Variants in CACNA1G observed in about 807,000 individuals in gnomAD.
CACNA1G encodes the protein calcium voltage-gated channel subunit alpha1 G, also known as voltage-dependent T-type calcium channel subunit alpha-1G.
CACNA1G carries 67 observed loss-of-function variants against 219.4 expected under a neutral mutation model. That is an observed-to-expected ratio of 0.31 (90% CI 0.25 to 0.37). CACNA1G has a LOEUF of 0.37. Among genes scored for constraint, CACNA1G ranks in the 10% least tolerant of loss-of-function variants. The probability of loss-of-function intolerance (pLI) is 1.00; values close to 1 mark genes in which losing one functional copy is unlikely to be tolerated. For missense variants in CACNA1G, 2,380 were observed against 3,231.4 expected, an observed-to-expected ratio of 0.74 and a Z score of 6.39; for synonymous variants, 1,296 against 1,345.3, an observed-to-expected ratio of 0.96 and a Z score of 0.80.
Position 50,625,907 on chromosome 17 carries a change from G to T in CACNA1G, c.6400-110G>T. ...GCTACCAGGACCTCTGCTTAGGATA[G>T]TCCTGCTGTGCCTGGTGGTGGTGGG... is the stretch of plus-strand genomic sequence containing the variant. On this transcript the variant is annotated intron_variant, in intron 37 of 37. Transcript: ENST00000359106. 3.2e-6 allele frequency: 4 copies of T among 1,233,226 alleles called. No individual in the cohort carries two copies. In the South Asian group the frequency reaches 5.9e-5, roughly 18 times the overall value. 76.4% of individuals were successfully genotyped at this position (1,233,226 alleles called of 1,614,324 possible). A position where few individuals can be genotyped will look rare whatever the true frequency, so the allele number is the denominator to read the frequency against.
At chr17:50,625,931 G>A (rs1029756888) in intron 37 of CACNA1G, 86 bp from the exon 38 acceptor site, 3 of 1,433,996 alleles carry the variant, frequency 2.1e-6, no homozygotes, top group African/African-American at 2.8e-5. Context: ...GGTGGTGGTG[G>A]GCAGGGGGCA....
Position 50,596,725 on chromosome 17 carries a change from T to A in CACNA1G, c.3065-5T>A, listed in dbSNP as rs756390450. Reference sequence around the variant, plus strand: ...CTCGGGATCTCTCCCTCTCTCCCCGTGCAGTGGTGTCCCTGGGAGAGCACC... The same window carrying A: ...CTCGGGATCTCTCCCTCTCTCCCCGAGCAGTGGTGTCCCTGGGAGAGCACC... On this transcript the variant is annotated splice_region_variant and splice_polypyrimidine_tract_variant and intron_variant, in intron 15 of 37. Transcript: ENST00000359106. The surrounding 1 kb of genome is among the most constrained non-coding windows in gnomAD (Gnocchi z 4.8). 15 of 1,613,124 alleles carry A rather than the reference T, an allele frequency of 9.3e-6. No individual in the cohort carries two copies. Among genetic ancestry groups the A allele is most frequent in the Admixed American group, 8.3e-5 (5 of 59,926 alleles).
In CACNA1G at chr17:50,591,826, G is replaced by C. The variant is rs1250279358; in HGVS notation, c.2727G>C (p.Leu909Phe). 8 of 1,613,826 alleles carry C rather than the reference G, an allele frequency of 5.0e-6. No homozygotes were observed. Among genetic ancestry groups the C allele is most frequent in the Non-Finnish European group, 5.9e-6 (7 of 1,179,872 alleles). The change falls in exon 12 of 38, where the codon TTG becomes TTC. Residue 909 changes from leucine to phenylalanine, a missense_variant. This residue lies in a region of CACNA1G where 43 missense variants were observed against 139.4 expected (regional missense o/e 0.31). Coordinates refer to ENST00000359106, the MANE Select transcript of CACNA1G (RefSeq NM_018896.5). ...TLPDRKNFDS[L>F]LWAIVTVFQI... The stretch of plus-strand genomic sequence containing the variant: ...CAGACCGGAAGAATTTTGACTCCTT[G>C]CTCTGGGCCATCGTCACTGTCTTTC...
Position 50,578,878 on chromosome 17 carries a change from G to A in CACNA1G, c.2301+314G>A, listed in dbSNP as rs548943084. Among the ~76,000 whole-genome samples, 13 of 152,292 alleles carry A rather than the reference G, an allele frequency of 8.5e-5. No individual in the cohort carries two copies. The highest frequency in any genetic ancestry group is 2.0e-4 in the Admixed American group (3 of 15,292). On this transcript the variant is annotated intron_variant, in intron 9 of 37. Transcript: ENST00000359106. The surrounding 1 kb of genome is among the most constrained non-coding windows in gnomAD (Gnocchi z 4.5). ...AGCATCAGCATGTGGGGAGAGGCGC[G>A]TCACTGGGAGATGTTTGGGTCTTTG...
In CACNA1G at chr17:50,602,855, C is replaced by T. The variant is rs2047033951; in HGVS notation, c.3951C>T (p.Phe1317=). The stretch of plus-strand genomic sequence containing the variant: ...TCCTGACCCTCTCCAATTACATCTT[C>T]ACCGCAGTCTTTCTGGCTGAAATGA... The part of the protein sequence containing the change: ...RIFLTLSNYI[F]TAVFLAEMTV... Residue 1317 remains phenylalanine (F), a synonymous_variant, in exon 20 of 38, where the codon TTC becomes TTT. Coordinates refer to ENST00000359106, the MANE Select transcript of CACNA1G (RefSeq NM_018896.5). The T allele has an allele frequency of 1.2e-6, 2 of 1,613,920 alleles. No homozygotes were observed. The highest frequency in any genetic ancestry group is 4.5e-5 in the East Asian group (2 of 44,880).
Position 50,561,096 on chromosome 17 carries a change from T to G in CACNA1G, c.-364T>G. On this transcript the variant is annotated 5_prime_UTR_variant, in exon 1 of 38. Transcript: ENST00000359106. ...CCCTCCGCCGCTGCCCCCCTTTTCG[T>G]TCGCCCTCTCGGGGCGGCTTCGCCG... The G allele has an allele frequency of 1.7e-5, 7 of 416,862 alleles. No homozygotes were observed. The highest frequency in any genetic ancestry group is 2.8e-5 in the Non-Finnish European group (6 of 213,906). 25.8% of individuals were successfully genotyped at this position (416,862 alleles called of 1,614,324 possible).
At chr17:50,569,438 G>A (rs1039110654) in intron 3 of CACNA1G, 140 bp downstream of exon 3, 3 of 916,258 alleles carry the variant, frequency 3.3e-6, no homozygotes, top group Non-Finnish European at 5.0e-6. Context: ...AGGGTCTGAG[G>A]CTGCCCTGCC....
chr17:50,581,861 A>G (rs2042029581), intron 9 of CACNA1G, among the ~76,000 whole-genome samples: 1 of 152,246 alleles, frequency 6.6e-6, no homozygotes, highest in African/African-American at 2.4e-5. Context: ...ATCCTTTTGC[A>G]CTGGAGTTGG....
chr17:50,586,082 G>A (rs921432154), intron 9 of CACNA1G, among the ~76,000 whole-genome samples: 8 of 152,160 alleles, frequency 5.3e-5, no homozygotes, highest in African/African-American at 1.9e-4. Context: ...ATCACTGTCT[G>A]CCAGAGCTGG....
intron 14 of CACNA1G, 23 bp downstream of exon 14, chr17:50,595,084 G>A: frequency 1.9e-6 from 3 of 1,544,314 alleles, no homozygotes; most frequent in Non-Finnish European, 2.6e-6. Context: ...TCATGAGCCG[G>A]CATGCCTCCC....
chr17:50,606,827 T>C lies in CACNA1G; in HGVS notation c.4423-73T>C. 3 of 1,094,800 alleles carry C rather than the reference T, an allele frequency of 2.7e-6. No homozygotes were observed. The South Asian group carries it at 3.9e-5, about 14-fold the overall frequency. The allele number at this position is 1,094,800 out of a possible 1,614,324, so 67.8% of individuals were successfully genotyped here. A position where few individuals can be genotyped will look rare whatever the true frequency, so the allele number is the denominator to read the frequency against. On this transcript the variant is annotated intron_variant, in intron 23 of 37. Transcript: ENST00000359106. The stretch of plus-strand genomic sequence containing the variant: ...ACTTGGAGCTGATGCAGGAGGCACT[T>C]TGGGGGCAGGTGATAGGTGATTCAG...
At position 50,609,896 on chromosome 17, in the gene CACNA1G, G is replaced by A. The variant is rs368939625; in HGVS notation, c.4720G>A (p.Asp1574Asn). 1.6e-5 allele frequency: 26 copies of A among 1,611,494 alleles called. No individual in the cohort carries two copies. The highest frequency in any genetic ancestry group is 6.7e-5 in the African/African-American group (5 of 74,946). ...EKKRRNLMLD[D>N]VIASGSSASA... Reference sequence around the variant, plus strand: ...CGTTCTTTTAGATCTAATGCTGGACGATGTAATTGCTTCCGGCAGCTCAGC... The same window carrying A: ...CGTTCTTTTAGATCTAATGCTGGACAATGTAATTGCTTCCGGCAGCTCAGC... The change falls in exon 26 of 38, where the codon GAT (aspartate) becomes AAT (asparagine). Residue 1574 changes from aspartate to asparagine, a missense_variant. Asp to Asn is a conservative substitution (Grantham distance 23). Coordinates refer to ENST00000359106, the MANE Select transcript of CACNA1G (RefSeq NM_018896.5).
intron 28 of CACNA1G, 59 bp downstream of exon 28, chr17:50,616,443 T>G: frequency 2.4e-5 from 25 of 1,024,560 alleles, no homozygotes; most frequent in Non-Finnish European, 2.4e-5. Flanking sequence ...AATGAGTCTC[T>G]TGGGGAAATA....
intron 1 of CACNA1G, among the ~76,000 whole-genome samples, chr17:50,565,700 ACC>A (rs1032169255): frequency 6.6e-6 from 1 of 151,036 alleles, no homozygotes; most frequent in Non-Finnish European, 1.5e-5. Context: ...TGTCCCAGCC[ACC>A]CCCCTCCTCT....
At chr17:50,602,320 G>A (rs1423747060) in intron 19 of CACNA1G, among the ~76,000 whole-genome samples, 2 of 152,206 alleles carry the variant, frequency 1.3e-5, no homozygotes, top group Non-Finnish European at 2.9e-5. Context: ...GGAACTAGAT[G>A]GCCTTCCTCC....
In CACNA1G at chr17:50,573,196, C is replaced by T. The variant is rs763809968; in HGVS notation, c.1140+83C>T. ...CAGTCCAGAGAGGGGATAGTTTGCT[C>T]TGTCTGAAGTTTTTAGCTCTCAGGA... On this transcript the variant is annotated intron_variant, in intron 7 of 37. Coordinates refer to ENST00000359106, the MANE Select transcript of CACNA1G (RefSeq NM_018896.5). 13 of 1,033,128 alleles carry T rather than the reference C, an allele frequency of 1.3e-5. No individual in the cohort carries two copies. In the South Asian group the frequency reaches 1.6e-4, roughly 13 times the overall value. The allele number at this position is 1,033,128 out of a possible 1,614,324, so 64.0% of individuals were successfully genotyped here.
chr17:50,561,119 C>G lies in CACNA1G; in HGVS notation c.-341C>G. On this transcript the variant is annotated 5_prime_UTR_variant, in exon 1 of 38. Transcript: ENST00000359106. ...CGTTCGCCCTCTCGGGGCGGCTTCGCCGAAGGTAGCGCCGAATCCGGCAAC... is the reference window on the plus strand; with the variant it reads ...CGTTCGCCCTCTCGGGGCGGCTTCGGCGAAGGTAGCGCCGAATCCGGCAAC... 2.1e-6 allele frequency: 1 copy of G among 469,304 alleles called. No homozygotes were observed. The highest frequency in any genetic ancestry group is 1.7e-5 in the South Asian group (1 of 59,946). The allele number at this position is 469,304 out of a possible 1,614,324, so 29.1% of individuals were successfully genotyped here. A position where few individuals can be genotyped will look rare whatever the true frequency, so the allele number is the denominator to read the frequency against.
chr17:50,566,391 G>A (rs1459305216), intron 1 of CACNA1G, among the ~76,000 whole-genome samples: 2 of 152,014 alleles, frequency 1.3e-5, no homozygotes, highest in South Asian at 2.1e-4. Context: ...TTATGCTTAC[G>A]TGTCGTGGAA....
intron 33 of CACNA1G, 139 bp from the exon 34 acceptor site, chr17:50,619,544 A>C: frequency 1.6e-6 from 1 of 611,598 alleles, no homozygotes; most frequent in Non-Finnish European, 2.7e-6. Flanking sequence ...GTGTGTGCAC[A>C]TGTGCATGTG....
Sources: gnomAD v4.1 joint callset for allele counts (sites outside exome capture counted in the v4.1 genomes callset) on GRCh38, gnomAD v4.1.1 for gene constraint, gnomAD v4.1.1 regional missense constraint, Gnocchi (gnomAD v3.1) non-coding constraint, MANE v1.5 for transcripts, NCBI Gene and HGNC (gene_info 2026-07-23, HGNC 2026-07-21) for gene names.